Variants in ELOVL2 observed in about 807,000 individuals in gnomAD.
ELOVL2 encodes very long chain fatty acid elongase 2.
A neutral mutation model predicts 37.7 loss-of-function variants in ELOVL2; 38 were observed. The observed-to-expected ratio is 1.01, with a 90% confidence interval of 0.78 to 1.32. The LOEUF is 1.32. Ranked by LOEUF, ELOVL2 falls within the 40% of genes most tolerant of loss-of-function variation. The probability of loss-of-function intolerance (pLI) is 0.00; values close to 1 mark genes in which losing one functional copy is unlikely to be tolerated. For synonymous variants in ELOVL2, 115 were observed against 122.3 expected (o/e 0.94, Z 0.40); for missense variants, 352 against 363.6 (o/e 0.97, Z 0.26).
intron 4 of ELOVL2, among the ~76,000 whole-genome samples, chr6:10,995,437 A>ATGAC (rs1461612844): frequency 2.6e-5 from 4 of 151,988 alleles, no homozygotes; most frequent in African/African-American, 9.7e-5. Context: ...ACCCAAGTTC[A>ATGAC]TGACTCCTGG....
chr6:11,020,572 T>C (rs1445854873), intron 1 of ELOVL2, among the ~76,000 whole-genome samples: 2 of 152,164 alleles, frequency 1.3e-5, no homozygotes. Context: ...CCTTTAGCTC[T>C]TTAGTTACTC....
intron 1 of ELOVL2, among the ~76,000 whole-genome samples, chr6:11,017,591 C>T (rs537963208): frequency 2.0e-5 from 3 of 152,184 alleles, no homozygotes; most frequent in African/African-American, 7.2e-5. Flanking sequence ...CTCCACTTCC[C>T]ACACATGGCT....
At chr6:11,008,174 C>T (rs1029886988) in intron 2 of ELOVL2, among the ~76,000 whole-genome samples, 4 of 152,084 alleles carry the variant, frequency 2.6e-5, no homozygotes, top group Non-Finnish European at 4.4e-5. Context: ...AAAAGGATTC[C>T]TGATGGCTTA....
chr6:11,031,211 T>A (rs1046226116), intron 1 of ELOVL2, among the ~76,000 whole-genome samples: 16 of 152,250 alleles, frequency 1.1e-4, no homozygotes, highest in South Asian at 1.0e-3. Flanking sequence ...TATATTCGGT[T>A]ATTTCCCATT....
At chr6:11,010,921 C>T in intron 1 of ELOVL2, 112 bp from the exon 2 acceptor site, 2 of 758,556 alleles carry the variant, frequency 2.6e-6, no homozygotes, top group Non-Finnish European at 4.3e-6. Flanking sequence ...AGGGTCCCAG[C>T]TTCAAGGACT....
At chr6:11,023,180 A>G (rs537872279) in intron 1 of ELOVL2, among the ~76,000 whole-genome samples, 10 of 152,244 alleles carry the variant, frequency 6.6e-5, no homozygotes, top group Non-Finnish European at 1.3e-4. Context: ...CCAAAGCCAG[A>G]TATCTGTATT....
intron 1 of ELOVL2, among the ~76,000 whole-genome samples, chr6:11,024,536 C>T (rs1360676456): frequency 6.6e-6 from 1 of 152,158 alleles, no homozygotes; most frequent in Non-Finnish European, 1.5e-5. Context: ...CTTAGTATTA[C>T]TGAATAAAAT....
intron 1 of ELOVL2, among the ~76,000 whole-genome samples, chr6:11,031,020 A>G (rs957790912): frequency 2.2e-4 from 34 of 152,142 alleles, no homozygotes; most frequent in Non-Finnish European, 3.7e-4. Context: ...CGTTTTAAGG[A>G]TTTATATGCA....
intron 5 of ELOVL2, among the ~76,000 whole-genome samples, chr6:10,993,978 G>T (rs1782216617): frequency 7.6e-6 from 1 of 131,664 alleles, no homozygotes; most frequent in African/African-American, 2.9e-5. Flanking sequence ...AAAGTGCTAG[G>T]ATTACAGGCA....
chr6:11,037,171 AAGAGAGGCAGAGAGGGAAAG>A (rs111318368), intron 1 of ELOVL2, among the ~76,000 whole-genome samples: 4 of 146,072 alleles, frequency 2.7e-5, no homozygotes, highest in Non-Finnish European at 4.5e-5. Context: ...GGAAAGAGAC[AAGAGAGGCAGAGAGGGAAAG>A]AGAGAGGCAG....
At chr6:11,038,748 C>T (rs1783055246) in intron 1 of ELOVL2, among the ~76,000 whole-genome samples, 1 of 152,082 alleles carries the variant, frequency 6.6e-6, no homozygotes, top group African/African-American at 2.4e-5. Context: ...TGTAGGAATA[C>T]ATATTATCAT....
intron 1 of ELOVL2, among the ~76,000 whole-genome samples, chr6:11,022,945 TATAAA>T (rs1782787287): frequency 6.6e-6 from 1 of 152,234 alleles, no homozygotes; most frequent in East Asian, 1.9e-4. Flanking sequence ...CATTAGAATA[TATAAA>T]ATAACTTGCT....
At chr6:10,997,660 T>C (rs188159126) in intron 4 of ELOVL2, among the ~76,000 whole-genome samples, 1 of 152,352 alleles carries the variant, frequency 6.6e-6, no homozygotes, top group East Asian at 1.9e-4. Context: ...ACATGCGTTT[T>C]GTTACTGGCA....
At position 10,990,451 on chromosome 6, in the gene ELOVL2, G is replaced by A; in HGVS notation, c.506-9C>T. 6.3e-7 allele frequency: 1 copy of A among 1,578,794 alleles called. No individual in the cohort carries two copies. On this transcript the variant is annotated splice_polypyrimidine_tract_variant and intron_variant, in intron 5 of 7. Transcript: ENST00000354666. ...TGTTGGTCCAAAGAAACCTATAAAA[G>A]TACAGTATAAAAATCACTATTCTTC...
intron 1 of ELOVL2, among the ~76,000 whole-genome samples, chr6:11,011,446 G>A (rs1782582661): frequency 6.6e-6 from 1 of 151,986 alleles, no homozygotes; most frequent in Non-Finnish European, 1.5e-5. Flanking sequence ...AGGCAAAGCT[G>A]TTCCATAAGC....
chr6:10,999,068 T>C (rs1015628430), intron 4 of ELOVL2, among the ~76,000 whole-genome samples: 5 of 152,090 alleles, frequency 3.3e-5, no homozygotes, highest in African/African-American at 9.7e-5. Context: ...TTATTAACAA[T>C]AAAAAAATTA....
At position 11,044,148 on chromosome 6, in the gene ELOVL2, G is replaced by C. The variant is rs1783167043; in HGVS notation, c.3+80C>G. 28 of 1,392,716 alleles carry C rather than the reference G, an allele frequency of 2.0e-5. No individual in the cohort carries two copies. Among genetic ancestry groups the C allele is most frequent in the Non-Finnish European group, 2.6e-5 (28 of 1,066,792 alleles). 86.3% of individuals were successfully genotyped at this position (1,392,716 alleles called of 1,614,324 possible). On this transcript the variant is annotated intron_variant, in intron 1 of 7. Transcript: ENST00000354666. This position sits in a 1 kb window ranked among gnomAD's most constrained non-coding sequence, Gnocchi z 5.6. ...GCAGCGCCCGCGCCGGCGCCCGCTCGGCCCTTTCCCGCCCGGTGCGTGGGT... is the reference window on the plus strand; with the variant it reads ...GCAGCGCCCGCGCCGGCGCCCGCTCCGCCCTTTCCCGCCCGGTGCGTGGGT...
At chr6:11,006,655 G>A (rs769832657) in intron 2 of ELOVL2, among the ~76,000 whole-genome samples, 2 of 152,092 alleles carry the variant, frequency 1.3e-5, no homozygotes, top group Non-Finnish European at 2.9e-5. Flanking sequence ...TTTCTACAAG[G>A]CAAGTGCCTT....
chr6:10,998,372 C>T (rs1782310150), intron 4 of ELOVL2, among the ~76,000 whole-genome samples: 1 of 150,968 alleles, frequency 6.6e-6, no homozygotes, highest in African/African-American at 2.5e-5. Flanking sequence ...TAGAGAAGAA[C>T]TTTCCCTTTT....
Sources: allele counts gnomAD v4.1 joint callset (sites outside exome capture counted in the v4.1 genomes callset), GRCh38; gene constraint gnomAD v4.1.1; non-coding constraint Gnocchi (gnomAD v3.1); transcripts MANE v1.5; gene names NCBI Gene and HGNC (gene_info 2026-07-23, HGNC 2026-07-21).